Variants in CNTD1 observed in about 807,000 individuals in gnomAD.
CNTD1 encodes cyclin N-terminal domain containing 1.
Under a neutral mutation model 36.3 loss-of-function variants are expected in CNTD1, and 17 were observed. The ratio of observed to expected loss-of-function variants is 0.47; its 90% confidence interval spans 0.32 to 0.70. CNTD1 has a LOEUF of 0.70. Among genes scored for constraint, CNTD1 ranks in the 30% least tolerant of loss-of-function variants. The probability of loss-of-function intolerance (pLI) is 0.03; values close to 1 mark genes in which losing one functional copy is unlikely to be tolerated. For missense variants in CNTD1, 338 were observed against 386.1 expected (o/e 0.88, Z 1.04); for synonymous variants, 128 against 153.3 (o/e 0.83, Z 1.22).
At chr17:42,801,723 T>C (rs1054614888) in intron 1 of CNTD1, among the ~76,000 whole-genome samples, 1 of 151,470 alleles carries the variant, frequency 6.6e-6, no homozygotes. Context: ...ATCTTCACAA[T>C]GATATTGTTG....
At position 42,806,658 on chromosome 17, in the gene CNTD1, C is replaced by T; in HGVS notation, c.581-16C>T. 1.2e-6 allele frequency: 2 copies of T among 1,612,684 alleles called. No individual in the cohort carries two copies. Among genetic ancestry groups the T allele is most frequent in the Non-Finnish European group, 1.7e-6 (2 of 1,178,824 alleles). ...ATGATCATAAATTCTCCCTATCATT[C>T]CCATACTCCATCTAGGATACAATGG... On this transcript the variant is annotated splice_polypyrimidine_tract_variant and intron_variant, in intron 4 of 6. Transcript: ENST00000588408.
chr17:42,805,954 G>T, intron 4 of CNTD1, 70 bp downstream of exon 4: 1 of 1,422,840 alleles, frequency 7.0e-7, no homozygotes, highest in East Asian at 2.3e-5. Context: ...TGCATGGGGG[G>T]GCATGGCTCA....
chr17:42,798,885 G>A lies in CNTD1; in HGVS notation c.-183G>A. On this transcript the variant is annotated 5_prime_UTR_variant, in exon 1 of 7. Transcript: ENST00000588408. ...TGAGGAGTCCGTGGCCGTTGGGGCG[G>A]GAAAAAGCTGTGGAGGGTTCGAGGC... The A allele has an allele frequency of 6.9e-7, 1 of 1,441,048 alleles. No homozygotes were observed. Among genetic ancestry groups the A allele is most frequent in the Non-Finnish European group, 9.1e-7 (1 of 1,102,570 alleles). The allele number at this position is 1,441,048 out of a possible 1,614,324, so 89.3% of individuals were successfully genotyped here.
At chr17:42,809,253 GA>G in intron 6 of CNTD1, 111 bp from the exon 7 acceptor site, 1 of 1,094,062 alleles carries the variant, frequency 9.1e-7, no homozygotes, top group Non-Finnish European at 1.3e-6. Flanking sequence ...CTGGATTTCA[GA>G]AAAATGAATT....
At position 42,811,555 on chromosome 17, in the gene CNTD1, T is replaced by G; in HGVS notation, c.*2020T>G. 2.0e-6 allele frequency: 3 copies of G among 1,488,360 alleles called. No individual in the cohort carries two copies. The highest frequency in any genetic ancestry group is 2.3e-5 in the East Asian group (1 of 43,426). The allele number at this position is 1,488,360 out of a possible 1,614,324, so 92.2% of individuals were successfully genotyped here. The stretch of plus-strand genomic sequence containing the variant: ...ATGTGATTCTGTGCCATTTTTTTGC[T>G]TTCCCACCATTTATACTGTTTTGCC... On this transcript the variant is annotated 3_prime_UTR_variant, in exon 7 of 7. Coordinates refer to ENST00000588408, the MANE Select transcript of CNTD1 (RefSeq NM_173478.3).
At chr17:42,803,592 A>G (rs1419942260) in intron 1 of CNTD1, 28 bp from the exon 2 acceptor site, 1 of 1,600,412 alleles carries the variant, frequency 6.2e-7, no homozygotes, top group African/African-American at 1.3e-5. Flanking sequence ...CATCTTGTGA[A>G]TTAGGCTCTT....
intron 6 of CNTD1, among the ~76,000 whole-genome samples, chr17:42,808,564 A>G (rs1436363745): frequency 6.6e-6 from 1 of 150,822 alleles, no homozygotes; most frequent in Non-Finnish European, 1.5e-5. Flanking sequence ...AAAAAAAAAA[A>G]AAAAAAAAAA....
In CNTD1 at chr17:42,799,176, G is replaced by C. The variant is rs1401066287; in HGVS notation, c.109G>C (p.Glu37Gln). The C allele has an allele frequency of 6.2e-7, 1 of 1,614,044 alleles. No homozygotes were observed. The highest frequency in any genetic ancestry group is 2.2e-5 in the East Asian group (1 of 44,882). The change falls in exon 1 of 7, where the codon GAG (glutamate) becomes CAG (glutamine). Residue 37 changes from glutamate (E) to glutamine (Q), a missense_variant. Glu to Gln is a conservative substitution (Grantham distance 29). Transcript: ENST00000588408. ...CCTGCTTCACTTGGCCCAGCAGAAT[G>C]AGCAAGCAGTGAGGGAGGCTTCGGG... ...DALLHLAQQN[E>Q]QAVREASGRL...
intron 1 of CNTD1, among the ~76,000 whole-genome samples, chr17:42,800,070 A>T (rs1434929887): frequency 9.8e-5 from 12 of 122,436 alleles, no homozygotes; most frequent in Admixed American, 6.2e-4. Flanking sequence ...GACTCTGTCT[A>T]AAAAAAAAAA....
In CNTD1 at chr17:42,804,285, T is replaced by G. The variant is rs777631230; in HGVS notation, c.306T>G (p.Asn102Lys). The change falls in exon 3 of 7, where the codon AAT becomes AAG. Residue 102 changes from asparagine (N) to lysine (K), a missense_variant. Transcript: ENST00000588408. Reference protein sequence around the residue: ...CRQATIQPRDNKRESQNWRAL... With the variant: ...CRQATIQPRDKKRESQNWRAL... ...AAGCCACAATCCAGCCAAGAGATAA[T>G]AAGAGAGAGTCTCAGAATTGGAGGG... The G allele has an allele frequency of 2.5e-6, 4 of 1,614,042 alleles. No individual in the cohort carries two copies. Among genetic ancestry groups the G allele is most frequent in the Non-Finnish European group, 2.5e-6 (3 of 1,179,986 alleles).
rs2054725029 is a variant in CNTD1, at chr17:42,799,051, C to A, written c.-17C>A. On this transcript the variant is annotated 5_prime_UTR_variant, in exon 1 of 7. Transcript: ENST00000588408. ...GATCCAGTGAACCCGTCCAGGTGCC[C>A]CAAGAGGCTCGTGAATATGGACGGA... The A allele has an allele frequency of 1.2e-6, 2 of 1,612,862 alleles. No homozygotes were observed. The highest frequency in any genetic ancestry group is 2.2e-5 in the East Asian group (1 of 44,872).
At chr17:42,808,525 T>C (rs2054919737) in intron 6 of CNTD1, among the ~76,000 whole-genome samples, 2 of 140,238 alleles carry the variant, frequency 1.4e-5, no homozygotes, top group Admixed American at 7.5e-5. Context: ...TACTCCAACC[T>C]GGGAGACAGA....
At position 42,811,532 on chromosome 17, in the gene CNTD1, G is replaced by A; in HGVS notation, c.*1997G>A. 2 of 1,290,538 alleles carry A rather than the reference G, an allele frequency of 1.5e-6. No individual in the cohort carries two copies. Among genetic ancestry groups the A allele is most frequent in the South Asian group, 1.4e-5 (1 of 69,208 alleles). 79.9% of individuals were successfully genotyped at this position (1,290,538 alleles called of 1,614,324 possible). A position where few individuals can be genotyped will look rare whatever the true frequency, so the allele number is the denominator to read the frequency against. ...GTCAGTCTCTGCCCATCAATGTCAT[G>A]TGATTCTGTGCCATTTTTTTGCTTT... On this transcript the variant is annotated 3_prime_UTR_variant, in exon 7 of 7. Transcript: ENST00000588408.
In CNTD1 at chr17:42,805,671, C is replaced by T. The variant is rs749211686; in HGVS notation, c.418-51C>T. On this transcript the variant is annotated intron_variant, in intron 3 of 6. Coordinates refer to ENST00000588408, the MANE Select transcript of CNTD1 (RefSeq NM_173478.3). ...AAGGGCTTTGTGCACTCTGTCAAGACGTATGAACTTTATCCTAACATTCTT... is the reference window on the plus strand; with the variant it reads ...AAGGGCTTTGTGCACTCTGTCAAGATGTATGAACTTTATCCTAACATTCTT... 37 of 1,513,672 alleles carry T rather than the reference C, an allele frequency of 2.4e-5. 1 individual carries two copies. The South Asian group carries it at 3.5e-4, about 14-fold the overall frequency. The allele number at this position is 1,513,672 out of a possible 1,614,324, so 93.8% of individuals were successfully genotyped here. A position where few individuals can be genotyped will look rare whatever the true frequency, so the allele number is the denominator to read the frequency against.
In CNTD1 at chr17:42,806,864, G is replaced by A. The variant is rs747524608; in HGVS notation, c.725+46G>A. On this transcript the variant is annotated intron_variant, in intron 5 of 6. Coordinates refer to ENST00000588408, the MANE Select transcript of CNTD1 (RefSeq NM_173478.3). ...TAGGCTCCTTCCAGGAACAGGGAAG[G>A]GGAGACAGACCACAAGAACTTGGGG... The A allele has an allele frequency of 1.0e-5, 16 of 1,591,804 alleles. No homozygotes were observed. The African/African-American group carries it at 2.2e-4, about 21-fold the overall frequency.
chr17:42,810,988 G>T lies in CNTD1; in HGVS notation c.*1453G>T. 1.4e-6 allele frequency: 2 copies of T among 1,468,876 alleles called. No homozygotes were observed. The highest frequency in any genetic ancestry group is 1.8e-6 in the Non-Finnish European group (2 of 1,095,630). 91.0% of individuals were successfully genotyped at this position (1,468,876 alleles called of 1,614,324 possible). On this transcript the variant is annotated 3_prime_UTR_variant, in exon 7 of 7. Coordinates refer to ENST00000588408, the MANE Select transcript of CNTD1 (RefSeq NM_173478.3). ...GAGATCTGAGTTAAGTAAGTTCGGG[G>T]CAGGGACTTGATCATGGGACCATTC...
At chr17:42,803,565 C>A in intron 1 of CNTD1, 55 bp from the exon 2 acceptor site, 2 of 1,390,380 alleles carry the variant, frequency 1.4e-6, no homozygotes, top group Non-Finnish European at 2.0e-6. Context: ...CAAGAGTTCA[C>A]AGAGTGGTTT....
chr17:42,807,383 C>T (rs1174568491), intron 5 of CNTD1, among the ~76,000 whole-genome samples: 2 of 151,936 alleles, frequency 1.3e-5, no homozygotes, highest in Non-Finnish European at 2.9e-5. Flanking sequence ...CCACTGCACT[C>T]CAGCCTGGGC....
At chr17:42,800,069 TAAAAAAAAA>T (rs769118587) in intron 1 of CNTD1, among the ~76,000 whole-genome samples, 4 of 63,960 alleles carry the variant, frequency 6.3e-5, no homozygotes, top group Non-Finnish European at 1.2e-4. Flanking sequence ...AGACTCTGTC[TAAAAAAAAA>T]AAAAAAAAAA....
Sources: allele counts gnomAD v4.1 joint callset (sites outside exome capture counted in the v4.1 genomes callset), GRCh38; gene constraint gnomAD v4.1.1; transcripts MANE v1.5; gene names NCBI Gene and HGNC (gene_info 2026-07-23, HGNC 2026-07-21).